The following MAP2K5 variants were observed in gnomAD, a reference collection of about 807,000 sequenced individuals.
MAP2K5 encodes dual specificity mitogen-activated protein kinase kinase 5.
MAP2K5 carries 49 observed loss-of-function variants against 83.1 expected under a neutral mutation model. The observed-to-expected ratio is 0.59, with a 90% CI of 0.47 to 0.75. MAP2K5 has a LOEUF of 0.75. Among genes scored for constraint, MAP2K5 ranks in the 30% least tolerant of loss-of-function variants. The pLI, the probability that MAP2K5 is intolerant of heterozygous loss-of-function variation, is 0.00. For synonymous variants in MAP2K5, 202 were observed against 191.8 expected (o/e 1.05, Z -0.44); for missense variants, 457 against 557.5 (o/e 0.82, Z 1.82).
At chr15:67,662,855 T>C (rs1414678740) in intron 12 of MAP2K5, among the ~76,000 whole-genome samples, 1 of 152,204 alleles carries the variant, frequency 6.6e-6, no homozygotes, top group East Asian at 1.9e-4. Flanking sequence ...TGTCAACATA[T>C]ATGCTTTGCA....
At chr15:67,569,011 AAAAAAAAAC>A (rs1268584674) in intron 3 of MAP2K5, among the ~76,000 whole-genome samples, 10 of 151,342 alleles carry the variant, frequency 6.6e-5, no homozygotes, top group Non-Finnish European at 4.4e-5. Flanking sequence ...ATCTCAAAAA[AAAAAAAAAC>A]AAAAAAAAAA....
At position 67,702,686 on chromosome 15, in the gene MAP2K5, A is replaced by G. The variant is rs374657490; in HGVS notation, c.973-651A>G. On this transcript the variant is annotated intron_variant, in intron 15 of 21. Coordinates refer to ENST00000178640, the MANE Select transcript of MAP2K5 (RefSeq NM_145160.3). The surrounding 1 kb of genome is among the most constrained non-coding windows in gnomAD (Gnocchi z 4.6). ...CTTTTAGACCGGGTATTTGCTATAC[A>G]TCTTGAGTGGAGGACCAAGAGTCCC... Among the ~76,000 whole-genome samples, 15 of 152,330 alleles carry G rather than the reference A, an allele frequency of 9.8e-5. No individual in the cohort carries two copies. In the South Asian group the frequency reaches 2.9e-3, roughly 29 times the overall value.
chr15:67,738,120 G>A lies in MAP2K5; in HGVS notation c.1075-10111G>A, dbSNP rs2089385319. Among the ~76,000 whole-genome samples the A allele has an allele frequency of 6.6e-6, 1 of 152,122 alleles. No homozygotes were observed. ...GCCTGCCTCAGCCTCCCAGAGTACT[G>A]GGATTACAGGCGTGAGCCACTGCAC... is the stretch of plus-strand genomic sequence containing the variant. On this transcript the variant is annotated intron_variant, in intron 17 of 21. Transcript: ENST00000178640. The surrounding 1 kb of genome is among the most constrained non-coding windows in gnomAD (Gnocchi z 4.1).
At chr15:67,753,399 A>T (rs2089765424) in intron 19 of MAP2K5, among the ~76,000 whole-genome samples, 1 of 152,234 alleles carries the variant, frequency 6.6e-6, no homozygotes, top group African/African-American at 2.4e-5. Flanking sequence ...CAGTGAAAAG[A>T]CAACCCACAG....
chr15:67,572,984 C>T lies in MAP2K5; in HGVS notation c.253-7770C>T, dbSNP rs538350460. Among the ~76,000 whole-genome samples the T allele has an allele frequency of 1.8e-4, 28 of 152,306 alleles. No homozygotes were observed. Among genetic ancestry groups the T allele is most frequent in the African/African-American group, 6.7e-4 (28 of 41,566 alleles). ...GTGCTGGGATTACAGGCGTGAGCCA[C>T]CGTGCCTGGCCTGATATTATTTTGT... On this transcript the variant is annotated intron_variant, in intron 3 of 21. Coordinates refer to ENST00000178640, the MANE Select transcript of MAP2K5 (RefSeq NM_145160.3). This position sits in a 1 kb window ranked among gnomAD's most constrained non-coding sequence, Gnocchi z 4.2.
chr15:67,607,884 A>C (rs1466810053), intron 8 of MAP2K5, among the ~76,000 whole-genome samples: 1 of 152,194 alleles, frequency 6.6e-6, no homozygotes, highest in Non-Finnish European at 1.5e-5. Flanking sequence ...GGTTTGGCCA[A>C]TATTGCTATA....
At chr15:67,580,706 C>G in intron 3 of MAP2K5, 48 bp from the exon 4 acceptor site, 1 of 1,146,852 alleles carries the variant, frequency 8.7e-7, no homozygotes, top group Non-Finnish European at 1.3e-6. Flanking sequence ...GTGTCTGTTC[C>G]AGTATTCATA....
chr15:67,773,174 G>A (rs1298919318), intron 21 of MAP2K5, among the ~76,000 whole-genome samples: 1 of 152,170 alleles, frequency 6.6e-6, no homozygotes, highest in Non-Finnish European at 1.5e-5. Flanking sequence ...GGCTGCAAAA[G>A]ATCAAGTTAA....
intron 12 of MAP2K5, among the ~76,000 whole-genome samples, chr15:67,660,185 GT>G (rs57950818): frequency 0.98 from 149,388 of 152,100 alleles, 73,432 homozygotes; most frequent in Middle Eastern, 1. Context: ...TAGAAGAAAT[GT>G]TTTTTAATAA....
chr15:67,772,817 A>G (rs1415043562), intron 21 of MAP2K5, 65 bp downstream of exon 21: 2 of 1,350,782 alleles, frequency 1.5e-6, no homozygotes, highest in Non-Finnish European at 2.1e-6. Context: ...CATTCTGTTT[A>G]AAAGTCCAGA....
At chr15:67,634,625 T>C (rs372509154) in intron 9 of MAP2K5, among the ~76,000 whole-genome samples, 5 of 152,162 alleles carry the variant, frequency 3.3e-5, no homozygotes, top group East Asian at 1.9e-4. Context: ...GGTGCATTTA[T>C]GTTTGTTATG....
chr15:67,595,632 A>C (rs1768207843), intron 7 of MAP2K5, among the ~76,000 whole-genome samples: 8 of 152,198 alleles, frequency 5.3e-5, no homozygotes, highest in Admixed American at 5.2e-4. Context: ...TAATATATTA[A>C]ATCAAGCACT....
chr15:67,732,203 T>C (rs892225018), intron 17 of MAP2K5, among the ~76,000 whole-genome samples: 1 of 152,230 alleles, frequency 6.6e-6, no homozygotes, highest in African/African-American at 2.4e-5. Flanking sequence ...TAGTTAATCA[T>C]GTAGATCCAA....
At position 67,748,536 on chromosome 15, in the gene MAP2K5, T is replaced by C; in HGVS notation, c.1102-33T>C. The C allele has an allele frequency of 6.2e-7, 1 of 1,601,568 alleles. No homozygotes were observed. The highest frequency in any genetic ancestry group is 1.3e-5 in the African/African-American group (1 of 74,796). ...CACTGTAAAGATATTGCATAGAGGC[T>C]AATACTTTTTCCTCTCTTCTTTTCC... On this transcript the variant is annotated intron_variant, in intron 18 of 21. Coordinates refer to ENST00000178640, the MANE Select transcript of MAP2K5 (RefSeq NM_145160.3). The surrounding 1 kb of genome is among the most constrained non-coding windows in gnomAD (Gnocchi z 4.0).
At chr15:67,799,662 G>A (rs945792423) in intron 21 of MAP2K5, among the ~76,000 whole-genome samples, 16 of 152,356 alleles carry the variant, frequency 1.1e-4, no homozygotes, top group African/African-American at 3.8e-4. Flanking sequence ...CAGGCCTCCT[G>A]CAGGCTTAGA....
At chr15:67,693,635 A>G (rs2088171066) in intron 15 of MAP2K5, 67 bp downstream of exon 15, 7 of 1,179,068 alleles carry the variant, frequency 5.9e-6, no homozygotes, top group Admixed American at 1.8e-5. Context: ...TTGGTAATGT[A>G]TAATTCTTGA....
intron 16 of MAP2K5, among the ~76,000 whole-genome samples, chr15:67,725,870 G>A (rs531069273): frequency 4.6e-5 from 7 of 152,172 alleles, no homozygotes; most frequent in Non-Finnish European, 8.8e-5. Context: ...AAAATGTAGG[G>A]CAAACCTACG....
intron 21 of MAP2K5, among the ~76,000 whole-genome samples, chr15:67,796,425 A>G (rs1381945333): frequency 6.6e-6 from 1 of 152,174 alleles, no homozygotes; most frequent in Non-Finnish European, 1.5e-5. Flanking sequence ...AAATCATGGC[A>G]GAAGGCAAGA....
chr15:67,773,774 T>C (rs1419043104), intron 21 of MAP2K5, among the ~76,000 whole-genome samples: 1 of 152,220 alleles, frequency 6.6e-6, no homozygotes, highest in Non-Finnish European at 1.5e-5. Context: ...TTTATAACTC[T>C]GCAGGTTTCA....
Sources: allele counts gnomAD v4.1 joint callset (sites outside exome capture counted in the v4.1 genomes callset), GRCh38; gene constraint gnomAD v4.1.1; non-coding constraint Gnocchi (gnomAD v3.1); transcripts MANE v1.5; gene names NCBI Gene and HGNC (gene_info 2026-07-23, HGNC 2026-07-21).